PHF2: variants seen among roughly 807,000 people sequenced by gnomAD.
The protein encoded by PHF2 is lysine-specific demethylase PHF2.
A neutral mutation model predicts 120.5 loss-of-function variants in PHF2; 27 were observed. The ratio of observed to expected loss-of-function variants is 0.22; its 90% CI spans 0.17 to 0.31. The LOEUF is 0.31. Ranked by LOEUF, PHF2 falls within the 10% of genes least tolerant of loss-of-function variation. PHF2 has a pLI of 1.00. For synonymous variants in PHF2, 568 were observed against 592.5 expected (o/e 0.96, Z 0.60); for missense variants, 1,024 against 1,434.8 (o/e 0.71, Z 4.63).
chr9:93,625,889 G>A (rs931295899), intron 1 of PHF2, among the ~76,000 whole-genome samples: 13 of 151,988 alleles, frequency 8.6e-5, no homozygotes, highest in South Asian at 2.1e-4. Flanking sequence ...CAGTGCTTGC[G>A]TTTCTACCAT....
At position 93,645,758 on chromosome 9, in the gene PHF2, G is replaced by A. The variant is rs776700801; in HGVS notation, c.429G>A (p.Thr143=). 6.2e-6 allele frequency: 10 copies of A among 1,607,388 alleles called. No individual in the cohort carries two copies. Among genetic ancestry groups the A allele is most frequent in the Middle Eastern group, 4.3e-4 (2 of 4,614 alleles). The part of the protein sequence containing the change: ...DGLGLAVPAP[T]FYVSDVENYV... ...TGGGTCTGGCTGTCCCGGCCCCCAC[G>A]TTCTATGTCAGTGACGTCGAGAACT... Residue 143 remains threonine, a synonymous_variant, in exon 4 of 22, where the codon ACG becomes ACA. Transcript: ENST00000359246.
chr9:93,677,966 C>T lies in PHF2; in HGVS notation c.*290C>T. 1 of 379,524 alleles carries T rather than the reference C, an allele frequency of 2.6e-6. No homozygotes were observed. Among genetic ancestry groups the T allele is most frequent in the African/African-American group, 2.1e-5 (1 of 48,590 alleles). 23.5% of individuals were successfully genotyped at this position (379,524 alleles called of 1,614,324 possible). ...TCCACTTTAAGGACAGCCTTCAGGCCCCCTGAGCGTGGGTGTGATTGCAGG... is the reference window on the plus strand; with the variant it reads ...TCCACTTTAAGGACAGCCTTCAGGCTCCCTGAGCGTGGGTGTGATTGCAGG... On this transcript the variant is annotated 3_prime_UTR_variant, in exon 22 of 22. Coordinates refer to ENST00000359246, the MANE Select transcript of PHF2 (RefSeq NM_005392.4). The surrounding 1 kb of genome is among the most constrained non-coding windows in gnomAD (Gnocchi z 4.4).
At position 93,660,385 on chromosome 9, in the gene PHF2, C is replaced by T; in HGVS notation, c.1523C>T (p.Pro508Leu). Residue 508 changes from proline to leucine, a missense_variant, in exon 12 of 22, where the codon CCC becomes CTC. By Grantham distance (98) the Pro-to-Leu change is moderately conservative (BLOSUM62 -3). This residue lies in a region of PHF2 where 677 missense variants were observed against 857.4 expected (regional missense o/e 0.79). Transcript: ENST00000359246. ...KMPKPSKIPK[P>L]PKPPKPPRPP... ...CCCAAGCCATCCAAAATCCCCAAGC[C>T]CCCGAAGCCCCCTAAGCCCCCAAGG... is the stretch of plus-strand genomic sequence containing the variant. The T allele has an allele frequency of 6.5e-7, 1 of 1,530,626 alleles. No homozygotes were observed. Among genetic ancestry groups the T allele is most frequent in the South Asian group, 1.2e-5 (1 of 83,112 alleles). The allele number at this position is 1,530,626 out of a possible 1,614,324, so 94.8% of individuals were successfully genotyped here. A position where few individuals can be genotyped will look rare whatever the true frequency, so the allele number is the denominator to read the frequency against.
rs188012979 is a variant in PHF2, at chr9:93,635,325, G to A, written c.185-1086G>A. The stretch of plus-strand genomic sequence containing the variant: ...TTGTCCCCACAACCACCGAGACTCA[G>A]GAGGATGACACATGGCCTTCTAAGG... On this transcript the variant is annotated intron_variant, in intron 2 of 21. Coordinates refer to ENST00000359246, the MANE Select transcript of PHF2 (RefSeq NM_005392.4). Among the ~76,000 whole-genome samples the A allele has an allele frequency of 6.5e-4, 99 of 152,192 alleles. 1 individual carries two copies. The highest frequency in any genetic ancestry group is 2.0e-3 in the African/African-American group (81 of 41,528).
At position 93,636,524 on chromosome 9, in the gene PHF2, A is replaced by G. The variant is rs758874652; in HGVS notation, c.298A>G (p.Ser100Gly). 2 of 1,580,116 alleles carry G rather than the reference A, an allele frequency of 1.3e-6. No homozygotes were observed. The highest frequency in any genetic ancestry group is 2.3e-5 in the South Asian group (2 of 86,498). Residue 100 changes from serine to glycine, a missense_variant and splice_region_variant, in exon 3 of 22, where the codon AGT (serine) becomes GGT (glycine). By Grantham distance (56) the Ser-to-Gly change is moderately conservative. Transcript: ENST00000359246. ...IKELRSRTFP[S>G]AEDVVARVPG... ...GGAGCTGCGGAGCCGGACCTTTCCC[A>G]GGTGGGCTGGCCTTCCTGTATGCTC... is the stretch of plus-strand genomic sequence containing the variant.
chr9:93,662,597 G>T (rs577000050), intron 12 of PHF2, among the ~76,000 whole-genome samples: 1 of 151,876 alleles, frequency 6.6e-6, no homozygotes, highest in African/African-American at 2.4e-5. Flanking sequence ...GTGCATGGAT[G>T]GATGAATGAA....
chr9:93,645,800 T>C lies in PHF2; in HGVS notation c.460+11T>C. ...TCGAGAACTACGTGGGTAAGCGCCATCCCCTTCACAGTGCTCTGGGGCTGG... is the reference window on the plus strand; with the variant it reads ...TCGAGAACTACGTGGGTAAGCGCCACCCCCTTCACAGTGCTCTGGGGCTGG... On this transcript the variant is annotated intron_variant, in intron 4 of 21. Transcript: ENST00000359246. 6.4e-7 allele frequency: 1 copy of C among 1,569,174 alleles called. No individual in the cohort carries two copies. The highest frequency in any genetic ancestry group is 8.7e-7 in the Non-Finnish European group (1 of 1,154,528).
chr9:93,629,257 C>T (rs1825959799), intron 1 of PHF2, among the ~76,000 whole-genome samples: 1 of 152,146 alleles, frequency 6.6e-6, no homozygotes, highest in Non-Finnish European at 1.5e-5. Flanking sequence ...TTCCATTTTG[C>T]TGGGTTAGCT....
At position 93,615,854 on chromosome 9, in the gene PHF2, T is replaced by TC. The variant is rs1317016178; in HGVS notation, c.99-14115dup. On this transcript the variant is annotated intron_variant, in intron 1 of 21. Transcript: ENST00000359246. ...CCAGGGTGGATGGTTCAGGAGGCCT[T>TC]CTCTGCAGGGGACCAGGACACAGGA... is the stretch of plus-strand genomic sequence containing the variant. 2.6e-5 allele frequency among the ~76,000 whole-genome samples: 4 copies of TC among 152,282 alleles called. No homozygotes were observed. In the East Asian group the frequency reaches 7.7e-4, roughly 29 times the overall value.
At chr9:93,660,823 G>A (rs1392969718) in intron 12 of PHF2, among the ~76,000 whole-genome samples, 1 of 152,238 alleles carries the variant, frequency 6.6e-6, no homozygotes, top group Non-Finnish European at 1.5e-5. Flanking sequence ...CAGAGCAGTG[G>A]GCCTGAAGAG....
At position 93,677,964 on chromosome 9, in the gene PHF2, G is replaced by GC; in HGVS notation, c.*293dup. 2.6e-6 allele frequency: 1 copy of GC among 383,186 alleles called. No homozygotes were observed. Among genetic ancestry groups the GC allele is most frequent in the Non-Finnish European group, 4.7e-6 (1 of 211,370 alleles). 23.7% of individuals were successfully genotyped at this position (383,186 alleles called of 1,614,324 possible). On this transcript the variant is annotated 3_prime_UTR_variant, in exon 22 of 22. Transcript: ENST00000359246. The surrounding 1 kb of genome is among the most constrained non-coding windows in gnomAD (Gnocchi z 4.4). ...ATTCCACTTTAAGGACAGCCTTCAG[G>GC]CCCCCTGAGCGTGGGTGTGATTGCA...
chr9:93,653,952 G>T (rs1826413961), intron 6 of PHF2, among the ~76,000 whole-genome samples: 1 of 152,118 alleles, frequency 6.6e-6, no homozygotes, highest in South Asian at 2.1e-4. Flanking sequence ...AAGTCACTGG[G>T]GCATCCTCAG....
At chr9:93,665,886 G>A (rs766124400) in intron 15 of PHF2, 22 bp downstream of exon 15, 15 of 1,612,726 alleles carry the variant, frequency 9.3e-6, no homozygotes, top group Non-Finnish European at 1.2e-5. Context: ...GGGGGTGTTG[G>A]GGGAGGGGTG....
intron 5 of PHF2, 21 bp downstream of exon 5, chr9:93,649,233 G>A (rs772427673): frequency 6.5e-7 from 1 of 1,548,752 alleles, no homozygotes; most frequent in Non-Finnish European, 8.7e-7. Context: ...CCACCCTGGG[G>A]GTGTGGGGGC....
chr9:93,603,024 G>A (rs1036559508), intron 1 of PHF2, among the ~76,000 whole-genome samples: 3 of 152,084 alleles, frequency 2.0e-5, no homozygotes, highest in Non-Finnish European at 2.9e-5. Context: ...GGAGGGGGGC[G>A]CGGAGGTGGG....
At position 93,677,575 on chromosome 9, in the gene PHF2, C is replaced by A; in HGVS notation, c.3203-13C>A. 1.2e-6 allele frequency: 2 copies of A among 1,611,950 alleles called. No individual in the cohort carries two copies. The highest frequency in any genetic ancestry group is 1.7e-6 in the Non-Finnish European group (2 of 1,178,526). The stretch of plus-strand genomic sequence containing the variant: ...TACCTTCCCTTTTTGTGTCCCCTCC[C>A]CGACTCCCCTAGGAAAACGTACGAA... On this transcript the variant is annotated splice_polypyrimidine_tract_variant and intron_variant, in intron 21 of 21. Transcript: ENST00000359246. The surrounding 1 kb of genome is among the most constrained non-coding windows in gnomAD (Gnocchi z 4.4).
At chr9:93,652,504 G>A (rs1826386051) in intron 5 of PHF2, among the ~76,000 whole-genome samples, 1 of 151,762 alleles carries the variant, frequency 6.6e-6, no homozygotes, top group South Asian at 2.1e-4. Flanking sequence ...TGTTGGCCAG[G>A]CTGGTTTCAA....
At chr9:93,608,456 A>G (rs1425239120) in intron 1 of PHF2, among the ~76,000 whole-genome samples, 1 of 150,514 alleles carries the variant, frequency 6.6e-6, no homozygotes, top group Non-Finnish European at 1.5e-5. Flanking sequence ...TTCTGGCCTC[A>G]CAGAATGAGT....
intron 1 of PHF2, among the ~76,000 whole-genome samples, chr9:93,592,229 C>G (rs751511451): frequency 4.8e-4 from 73 of 152,264 alleles, no homozygotes; most frequent in South Asian, 2.1e-4. Flanking sequence ...GTCTTTTTCT[C>G]AAACTCCTGG....
Sources: gnomAD v4.1 joint callset for allele counts (sites outside exome capture counted in the v4.1 genomes callset) on GRCh38, gnomAD v4.1.1 for gene constraint, gnomAD v4.1.1 regional missense constraint, Gnocchi (gnomAD v3.1) non-coding constraint, MANE v1.5 for transcripts, NCBI Gene and HGNC (gene_info 2026-07-23, HGNC 2026-07-21) for gene names.